The following RSPH14 variants were observed in gnomAD, a reference collection of about 807,000 sequenced individuals.
RSPH14 encodes the protein rhabdoid tumor deletion region gene 1.
RSPH14 carries 20 observed loss-of-function variants against 26.7 expected under a neutral mutation model. The observed-to-expected ratio is 0.75, with a 90% CI of 0.53 to 1.09. RSPH14 has a LOEUF of 1.09. RSPH14 is among the 50% of genes least tolerant of loss of function. The pLI is 0.00. For missense variants in RSPH14, 449 were observed against 457.2 expected (o/e 0.98, Z 0.16); for synonymous variants, 177 against 189.3 (o/e 0.93, Z 0.53).
At chr22:23,100,543 A>G (rs1412390132) in intron 4 of RSPH14, among the ~76,000 whole-genome samples, 4 of 152,328 alleles carry the variant, frequency 2.6e-5, no homozygotes, top group East Asian at 3.9e-4. Flanking sequence ...CAGGTGGTCT[A>G]TGCCTGGCCC....
the RSPH14 span, among the ~76,000 whole-genome samples, chr22:23,155,296 G>T: frequency 6.6e-6 from 1 of 152,158 alleles, no homozygotes; most frequent in African/African-American, 2.4e-5. Flanking sequence ...CTAAGCCAGG[G>T]CAGGTAGATC....
At chr22:23,109,423 T>A (rs761442386) in intron 4 of RSPH14, among the ~76,000 whole-genome samples, 1 of 151,738 alleles carries the variant, frequency 6.6e-6, no homozygotes, top group Non-Finnish European at 1.5e-5. Flanking sequence ...TTTTTGGGAG[T>A]CCTGAATCTG....
rs777215035 is a variant in RSPH14, at chr22:23,134,106, G to A, written c.341C>T (p.Ser114Phe). ...FLEHDIVLAL[S>F]FLLNDPSPVC... ...TGGGCTGGGGTCATTCAGCAGGAAG[G>A]ACAGGGCAAGGACGATGTCGTGCTC... Residue 114 changes from serine to phenylalanine, a missense_variant, in exon 4 of 7, where the codon TCC becomes TTC. Transcript: ENST00000216036. The A allele has an allele frequency of 6.2e-7, 1 of 1,613,490 alleles. No homozygotes were observed. Among genetic ancestry groups the A allele is most frequent in the South Asian group, 1.1e-5 (1 of 91,062 alleles).
chr22:23,123,503 G>C (rs1358628670), intron 4 of RSPH14: 1 of 979,882 alleles, frequency 1.0e-6, no homozygotes, highest in Admixed American at 2.4e-5. Context: ...GTGCTAGAGA[G>C]GCCCAATCCA....
At chr22:23,141,746 G>A (rs912176710) in intron 1 of RSPH14, among the ~76,000 whole-genome samples, 14 of 152,272 alleles carry the variant, frequency 9.2e-5, no homozygotes, top group Non-Finnish European at 1.5e-4. Context: ...ACGTGGCCAT[G>A]TTTGAGTTGA....
At chr22:23,096,529 C>T in intron 4 of RSPH14, 2 of 1,142,902 alleles carry the variant, frequency 1.7e-6, no homozygotes, top group Non-Finnish European at 2.5e-6. Context: ...GAACCAGGCG[C>T]AGGCCTGGCC....
chr22:23,117,670 C>G (rs1261711536), intron 4 of RSPH14, among the ~76,000 whole-genome samples: 1 of 152,226 alleles, frequency 6.6e-6, no homozygotes, highest in East Asian at 1.9e-4. Flanking sequence ...GCTTGGGGTT[C>G]TTCCCGTGTC....
At chr22:23,152,695 A>C in the RSPH14 span, among the ~76,000 whole-genome samples, 2 of 152,134 alleles carry the variant, frequency 1.3e-5, no homozygotes, top group Non-Finnish European at 2.9e-5. Flanking sequence ...GAAATCGGGG[A>C]GATGGCAGGG....
chr22:23,178,827 C>A, the RSPH14 span, among the ~76,000 whole-genome samples: 2 of 152,192 alleles, frequency 1.3e-5, no homozygotes, highest in South Asian at 4.1e-4. Context: ...TACCGTGGCC[C>A]ACAGGACTGG....
intron 4 of RSPH14, chr22:23,096,016 C>G (rs1395485556): frequency 5.6e-6 from 9 of 1,607,492 alleles, no homozygotes; most frequent in African/African-American, 2.7e-5. Flanking sequence ...CTGTGCAGCT[C>G]TTTGCGCTGA....
At chr22:23,096,989 G>C (rs1417849501) in intron 4 of RSPH14, among the ~76,000 whole-genome samples, 1 of 152,254 alleles carries the variant, frequency 6.6e-6, no homozygotes, top group Non-Finnish European at 1.5e-5. Context: ...GGGGAGCCGG[G>C]TGAAGCAGCA....
At chr22:23,150,134 C>G in the RSPH14 span, 210 of 1,612,320 alleles carry the variant, frequency 1.3e-4, no homozygotes, top group Admixed American at 1.8e-4. Context: ...CCTGCCAACG[C>G]AGGAACACGG....
chr22:23,083,729 A>C (rs2068738674), intron 4 of RSPH14, among the ~76,000 whole-genome samples: 1 of 152,146 alleles, frequency 6.6e-6, no homozygotes. Context: ...GAGGCTGAAA[A>C]AGGACCAGTT....
chr22:23,123,660 G>A (rs1048549488), intron 4 of RSPH14: 16 of 554,266 alleles, frequency 2.9e-5, no homozygotes, highest in South Asian at 1.9e-4. Context: ...TCTGGAGATG[G>A]CAAAATCCTC....
At chr22:23,145,661 C>T (rs904664973), upstream of RSPH14, 1 of 1,276,902 alleles carries the variant, frequency 7.8e-7, no homozygotes, top group Non-Finnish European at 1.1e-6. Context: ...CTTCCCGCCC[C>T]TATAACTTGA....
chr22:23,107,478 G>A (rs1432782292), intron 4 of RSPH14, among the ~76,000 whole-genome samples: 2 of 152,216 alleles, frequency 1.3e-5, no homozygotes, highest in Non-Finnish European at 2.9e-5. Context: ...GAGTGTCTGA[G>A]GACAGGAGTT....
the RSPH14 span, among the ~76,000 whole-genome samples, chr22:23,155,785 T>A: frequency 2.6e-5 from 4 of 152,258 alleles, no homozygotes; most frequent in South Asian, 6.2e-4. Flanking sequence ...GGGGGCACCC[T>A]AGGAAGAGAT....
At chr22:23,093,146 C>G (rs1441953779) in intron 4 of RSPH14, among the ~76,000 whole-genome samples, 2 of 152,212 alleles carry the variant, frequency 1.3e-5, no homozygotes, top group African/African-American at 4.8e-5. Context: ...GATGTTCTGC[C>G]CACTGTGTGC....
intron 4 of RSPH14, among the ~76,000 whole-genome samples, chr22:23,081,845 G>T (rs887738493): frequency 1.5e-5 from 2 of 130,576 alleles, no homozygotes; most frequent in Non-Finnish European, 1.6e-5. Flanking sequence ...AAAAAAAAAG[G>T]CCAGGCGCAG....
Sources: gnomAD v4.1 joint callset for allele counts (sites outside exome capture counted in the v4.1 genomes callset) on GRCh38, gnomAD v4.1.1 for gene constraint, MANE v1.5 for transcripts, NCBI Gene and HGNC (gene_info 2026-07-23, HGNC 2026-07-21) for gene names.